The following SGCB variants were observed in gnomAD, a reference collection of about 807,000 sequenced individuals.
SGCB encodes the protein beta-sarcoglycan.
A neutral mutation model predicts 27.3 loss-of-function variants in SGCB; 25 were observed. That is an observed-to-expected ratio of 0.92 (90% confidence interval 0.67 to 1.28). SGCB has a LOEUF of 1.28. Among genes scored for constraint, SGCB ranks in the 50% most tolerant of loss-of-function variants. The pLI is 0.00. For synonymous variants in SGCB, 147 were observed against 133.5 expected (o/e 1.10, Z -0.70); for missense variants, 436 against 402.1 (o/e 1.08, Z -0.72).
rs935043080 is a variant in SGCB at position 52,021,149 on chromosome 4, C to T, written c.*2808G>A. 6.6e-6 allele frequency: 1 copy of T among 152,144 alleles called. No homozygotes were observed. The highest frequency in any genetic ancestry group is 1.5e-5 in the Non-Finnish European group (1 of 68,028). The allele number at this position is 152,144 out of a possible 1,614,324, so 9.4% of individuals were successfully genotyped here. The stretch of plus-strand genomic sequence containing the variant: ...TCATTTGCCCCCCTTGTCATTGCAA[C>T]CCGTCTCTAGAATACTGTGGTAATT... On this transcript the variant is annotated 3_prime_UTR_variant, in exon 6 of 6. Transcript: ENST00000381431.
In SGCB at chr4:52,031,966, A is replaced by C. The variant is rs917908303; in HGVS notation, c.243+1465T>G. ...TCTTGCCTGGCTGCCAGGGAGCTGG[A>C]GGTGGAGAATGAGGAAAAGAGAGCG... is the stretch of plus-strand genomic sequence containing the variant. On this transcript the variant is annotated intron_variant, in intron 2 of 5. Coordinates refer to ENST00000381431, the MANE Select transcript of SGCB (RefSeq NM_000232.5). 8 of 456,072 alleles carry C rather than the reference A, an allele frequency of 1.8e-5. No individual in the cohort carries two copies. In the East Asian group the frequency reaches 3.5e-4, roughly 20 times the overall value. 28.3% of individuals were successfully genotyped at this position (456,072 alleles called of 1,614,324 possible).
chr4:52,038,098 C>A (rs1445636499), intron 1 of SGCB, 129 bp downstream of exon 1: 41 of 194,114 alleles, frequency 2.1e-4, no homozygotes, highest in Non-Finnish European at 3.4e-4. Flanking sequence ...CCGCCCCGAT[C>A]GGCCCCGCCG....
chr4:52,031,404 GTA>G (rs1413674025), intron 2 of SGCB, among the ~76,000 whole-genome samples: 82 of 38,056 alleles, frequency 2.2e-3, no homozygotes, highest in African/African-American at 3.4e-3. Context: ...GTGTGTGTGT[GTA>G]TGTGTGTGTG....
chr4:52,027,648 GAA>G (rs1737133990), intron 5 of SGCB, among the ~76,000 whole-genome samples: 1 of 146,132 alleles, frequency 6.8e-6, no homozygotes, highest in Non-Finnish European at 1.5e-5. Flanking sequence ...AAAAAAGAGA[GAA>G]AGAAACAGAA....
rs555642177 is a variant in SGCB at position 52,020,761 on chromosome 4, A to C, written c.*3196T>G. The stretch of plus-strand genomic sequence containing the variant: ...GCTCATTACTAGTTATTACAAACTG[A>C]ATCAACTGAAACTCAAGTTAGCAAT... On this transcript the variant is annotated 3_prime_UTR_variant, in exon 6 of 6. Transcript: ENST00000381431. The C allele has an allele frequency of 1.7e-4, 26 of 152,760 alleles. No individual in the cohort carries two copies. Among genetic ancestry groups the C allele is most frequent in the African/African-American group, 5.5e-4 (23 of 41,588 alleles). The allele number at this position is 152,760 out of a possible 1,614,324, so 9.5% of individuals were successfully genotyped here. A position where few individuals can be genotyped will look rare whatever the true frequency, so the allele number is the denominator to read the frequency against.
At chr4:52,024,871 A>G (rs2110210207) in intron 5 of SGCB, among the ~76,000 whole-genome samples, 1 of 146,858 alleles carries the variant, frequency 6.8e-6, no homozygotes, top group African/African-American at 2.5e-5. Context: ...TTCCTCCTAG[A>G]GGGAATTAAT....
At chr4:52,036,681 A>G (rs1382821612) in intron 1 of SGCB, among the ~76,000 whole-genome samples, 1 of 152,172 alleles carries the variant, frequency 6.6e-6, no homozygotes, top group Non-Finnish European at 1.5e-5. Flanking sequence ...TTGTTTGGAT[A>G]TGAGTGTGGC....
At chr4:52,026,499 C>CTG (rs1475465140) in intron 5 of SGCB, among the ~76,000 whole-genome samples, 1 of 151,944 alleles carries the variant, frequency 6.6e-6, no homozygotes, top group African/African-American at 2.4e-5. Context: ...CCTTGTGATC[C>CTG]ACCCGCCTTG....
At chr4:52,028,463 C>T (rs1050974551) in intron 4 of SGCB, among the ~76,000 whole-genome samples, 2 of 152,126 alleles carry the variant, frequency 1.3e-5, no homozygotes, top group African/African-American at 4.8e-5. Flanking sequence ...CGGTGAAACC[C>T]CGTCTCTACT....
rs1365923535 is a variant in SGCB, at chr4:52,028,800, T to C, written c.551A>G (p.Tyr184Cys). The C allele has an allele frequency of 9.3e-6, 15 of 1,613,668 alleles. No individual in the cohort carries two copies. The highest frequency in any genetic ancestry group is 1.3e-5 in the African/African-American group (1 of 74,916). ...RTQNILFSTD[Y>C]ETHEFHLPSG... ...TGGCAAATGAAACTCATGAGTTTCATAGTCTGTGCTGAATAAGATATTTTG... is the reference window on the plus strand; with the variant it reads ...TGGCAAATGAAACTCATGAGTTTCACAGTCTGTGCTGAATAAGATATTTTG... The change falls in exon 4 of 6, where the codon TAT becomes TGT. Residue 184 changes from tyrosine (Y) to cysteine (C), a missense_variant. Transcript: ENST00000381431.
At chr4:52,025,980 GATA>G (rs553298584) in intron 5 of SGCB, among the ~76,000 whole-genome samples, 157 of 152,272 alleles carry the variant, frequency 1.0e-3, no homozygotes, top group African/African-American at 3.6e-3. Flanking sequence ...TATCAAAATG[GATA>G]ATGTTAAGCA....
At chr4:52,037,329 G>A (rs1422075119) in intron 1 of SGCB, among the ~76,000 whole-genome samples, 2 of 152,146 alleles carry the variant, frequency 1.3e-5, no homozygotes, top group African/African-American at 4.8e-5. Context: ...GCCCTCCAGT[G>A]ACATATATCT....
Position 52,025,837 on chromosome 4 carries a change from G to A in SGCB, c.754-1677C>T, listed in dbSNP as rs189107804. Among the ~76,000 whole-genome samples, 6 of 152,336 alleles carry A rather than the reference G, an allele frequency of 3.9e-5. No homozygotes were observed. The East Asian group carries it at 9.7e-4, about 25-fold the overall frequency. On this transcript the variant is annotated intron_variant, in intron 5 of 5. Coordinates refer to ENST00000381431, the MANE Select transcript of SGCB (RefSeq NM_000232.5). ...GAAACAGCAAGACTCTGTATCTTCTGAAGGTAGAGCCAGAAGGCTTTGCTA... is the reference window on the plus strand; with the variant it reads ...GAAACAGCAAGACTCTGTATCTTCTAAAGGTAGAGCCAGAAGGCTTTGCTA...
intron 1 of SGCB, among the ~76,000 whole-genome samples, chr4:52,035,045 A>G (rs961439820): frequency 3.9e-5 from 6 of 152,196 alleles, no homozygotes; most frequent in Admixed American, 3.9e-4. Flanking sequence ...CCTGAGACCA[A>G]AATGATTTGA....
chr4:52,024,371 T>A (rs1023532008), intron 5 of SGCB, among the ~76,000 whole-genome samples: 1 of 152,160 alleles, frequency 6.6e-6, no homozygotes, highest in African/African-American at 2.4e-5. Context: ...CATATGTAAA[T>A]AAATCTGCAA....
chr4:52,023,802 GAGA>G lies in SGCB; in HGVS notation c.*152_*154del, dbSNP rs1415256237. ...AAATGTATTAGAATTTAGGCTCTCT[GAGA>G]AGATTTTAACTATGTAGACCATAAA... is the stretch of plus-strand genomic sequence containing the variant. On this transcript the variant is annotated 3_prime_UTR_variant, in exon 6 of 6. Coordinates refer to ENST00000381431, the MANE Select transcript of SGCB (RefSeq NM_000232.5). 5 of 631,884 alleles carry G rather than the reference GAGA, an allele frequency of 7.9e-6. No homozygotes were observed. The highest frequency in any genetic ancestry group is 1.8e-5 in the African/African-American group (1 of 54,728). The allele number at this position is 631,884 out of a possible 1,614,324, so 39.1% of individuals were successfully genotyped here.
At chr4:52,032,621 G>C (rs1000264668) in intron 2 of SGCB, among the ~76,000 whole-genome samples, 1 of 152,152 alleles carries the variant, frequency 6.6e-6, no homozygotes, top group African/African-American at 2.4e-5. Context: ...TTTCTGATTT[G>C]AGTGAAGAAT....
rs113313283 is a variant in SGCB at position 52,024,010 on chromosome 4, T to A, written c.904A>T (p.Ser302Cys). Residue 302 changes from serine (S) to cysteine (C), a missense_variant, in exon 6 of 6, where the codon AGC becomes TGC. Coordinates refer to ENST00000381431, the MANE Select transcript of SGCB (RefSeq NM_000232.5). The stretch of plus-strand genomic sequence containing the variant: ...GAGATTTGGCAGCCCATGTTCTGGC[T>A]GGTTACTTGCACCTTGAAGAGCGTC... The part of the protein sequence containing the change: ...DGTLFKVQVT[S>C]QNMGCQISDN... 4 of 1,614,226 alleles carry A rather than the reference T, an allele frequency of 2.5e-6. No homozygotes were observed. The highest frequency in any genetic ancestry group is 3.4e-6 in the Non-Finnish European group (4 of 1,180,032).
intron 5 of SGCB, among the ~76,000 whole-genome samples, chr4:52,026,002 G>A (rs1219450582): frequency 1.3e-5 from 2 of 152,168 alleles, no homozygotes; most frequent in Non-Finnish European, 2.9e-5. Context: ...CAGGCAGCTA[G>A]ATATGTAACT....
Sources: allele counts gnomAD v4.1 joint callset (sites outside exome capture counted in the v4.1 genomes callset), GRCh38; gene constraint gnomAD v4.1.1; transcripts MANE v1.5; gene names NCBI Gene and HGNC (gene_info 2026-07-23, HGNC 2026-07-21).